Variants in ASH1L observed in about 807,000 individuals in gnomAD.
The protein encoded by ASH1L is histone-lysine N-methyltransferase ASH1L.
In ASH1L, 23 loss-of-function variants were observed where a neutral mutation model predicts 269.0. That is an observed-to-expected ratio of 0.09 (90% CI 0.06 to 0.12). The LOEUF is 0.12. ASH1L is among the 10% of genes least tolerant of loss of function. The pLI, the probability that ASH1L is intolerant of heterozygous loss-of-function variation, is 1.00. For missense variants in ASH1L, 2,912 were observed against 3,567.8 expected (o/e 0.82, Z 4.68); for synonymous variants, 1,187 against 1,253.5 (o/e 0.95, Z 1.12).
chr1:155,352,726 T>A lies in ASH1L; in HGVS notation c.7346A>T (p.Asp2449Val), dbSNP rs1418923105. ...GTCACCTTTATAAGAGATGATACCA[T>A]CACAAATTTCTTTGAAGATCTGGGC... ...RLAQIFKEICDGIISYKDSSR... is the reference protein window; with the variant it reads ...RLAQIFKEICVGIISYKDSSR... Residue 2449 changes from aspartate (D) to valine (V), a missense_variant, in exon 17 of 28, where the codon GAT becomes GTT. Around this residue, in one of 13 missense-constraint regions of ASH1L, gnomAD observed 309 missense variants for 435.1 expected, o/e 0.71. Transcript: ENST00000392403. The A allele has an allele frequency of 6.2e-7, 1 of 1,609,796 alleles. No homozygotes were observed. The highest frequency in any genetic ancestry group is 8.5e-7 in the Non-Finnish European group (1 of 1,178,872).
chr1:155,425,029 G>C (rs1026056269), intron 5 of ASH1L, among the ~76,000 whole-genome samples: 100 of 151,992 alleles, frequency 6.6e-4, no homozygotes, highest in Middle Eastern at 6.8e-3. Flanking sequence ...GAGTGCATTG[G>C]AGCAACATCA....
chr1:155,451,399 G>C (rs1663457035), intron 4 of ASH1L, among the ~76,000 whole-genome samples: 1 of 152,056 alleles, frequency 6.6e-6, no homozygotes, highest in African/African-American at 2.4e-5. Flanking sequence ...GATGAAAAAA[G>C]TTACGGAGAT....
chr1:155,343,281 G>A lies in ASH1L; in HGVS notation c.8293+33C>T, dbSNP rs911559729. 1.4e-5 allele frequency: 23 copies of A among 1,590,044 alleles called. No individual in the cohort carries two copies. The Admixed American group carries it at 2.5e-4, about 17-fold the overall frequency. ...TCAGCGTGAGCCACTGCACTTGGCCGAGGTCATTTTTTAACTAGCCCAGAT... is the reference window on the plus strand; with the variant it reads ...TCAGCGTGAGCCACTGCACTTGGCCAAGGTCATTTTTTAACTAGCCCAGAT... On this transcript the variant is annotated intron_variant, in intron 24 of 27. Transcript: ENST00000392403. This position sits in a 1 kb window ranked among gnomAD's most constrained non-coding sequence, Gnocchi z 6.1.
chr1:155,557,400 C>CT (rs1671671643), intron 1 of ASH1L, among the ~76,000 whole-genome samples: 2 of 151,884 alleles, frequency 1.3e-5, no homozygotes, highest in Non-Finnish European at 2.9e-5. Flanking sequence ...GAAGCTGGGA[C>CT]TACAGGTGCC....
intron 1 of ASH1L, among the ~76,000 whole-genome samples, chr1:155,528,987 T>A (rs571596907): frequency 1.3e-5 from 2 of 152,292 alleles, no homozygotes; most frequent in South Asian, 4.2e-4. Flanking sequence ...TTGCCAAAGA[T>A]AATGGCCTCC....
At position 155,415,821 on chromosome 1, in the gene ASH1L, C is replaced by T; in HGVS notation, c.5931G>A (p.Arg1977=). The change falls in exon 6 of 28, where the codon AGG becomes AGA. Residue 1977 remains arginine (R), a synonymous_variant. Transcript: ENST00000392403. ...TTGGGGGACGTGGGGGCTTCTTTTCCCTTGGGATGAGAGAAAGCACAGGCT... is the reference window on the plus strand; with the variant it reads ...TTGGGGGACGTGGGGGCTTCTTTTCTCTTGGGATGAGAGAAAGCACAGGCT... ...TLQPVLSLIP[R]EKKPPRPPKK... 6.2e-7 allele frequency: 1 copy of T among 1,613,708 alleles called. No homozygotes were observed. The highest frequency in any genetic ancestry group is 8.5e-7 in the Non-Finnish European group (1 of 1,179,958).
chr1:155,550,504 T>C (rs909095993), intron 1 of ASH1L, among the ~76,000 whole-genome samples: 1 of 152,176 alleles, frequency 6.6e-6, no homozygotes, highest in Admixed American at 6.5e-5. Flanking sequence ...TATTCCCCCC[T>C]TTACTGTTTT....
chr1:155,481,322 G>T lies in ASH1L; in HGVS notation c.1548C>A (p.Thr516=). 1 of 1,614,074 alleles carries T rather than the reference G, an allele frequency of 6.2e-7. No homozygotes were observed. The highest frequency in any genetic ancestry group is 1.3e-5 in the African/African-American group (1 of 75,020). The change falls in exon 3 of 28, where the codon ACC becomes ACA. Residue 516 remains threonine, a synonymous_variant. Coordinates refer to ENST00000392403, the MANE Select transcript of ASH1L (RefSeq NM_018489.3). The part of the protein sequence containing the change: ...FSSSEKGSYE[T]SKHEKQPPVY... ...CAGGAGGCTGCTTTTCATGCTTTGA[G>T]GTTTCATAAGATCCCTTTTCACTGG...
Position 155,478,092 on chromosome 1 carries a change from G to A in ASH1L, c.4778C>T (p.Pro1593Leu). 6.2e-7 allele frequency: 1 copy of A among 1,614,130 alleles called. No homozygotes were observed. Among genetic ancestry groups the A allele is most frequent in the East Asian group, 2.2e-5 (1 of 44,876 alleles). Residue 1593 changes from proline to leucine, a missense_variant, in exon 3 of 28, where the codon CCC (proline) becomes CTC (leucine). Coordinates refer to ENST00000392403, the MANE Select transcript of ASH1L (RefSeq NM_018489.3). This position sits in a 1 kb window ranked among gnomAD's most constrained non-coding sequence, Gnocchi z 4.6. ...SPSLSLGGFTPNSEPASSDEH... is the reference protein window; with the variant it reads ...SPSLSLGGFTLNSEPASSDEH... ...ATCACTGCTGGCTGGCTCAGAGTTGGGAGTGAATCCTCCAAGGGATAAGCT... is the reference window on the plus strand; with the variant it reads ...ATCACTGCTGGCTGGCTCAGAGTTGAGAGTGAATCCTCCAAGGGATAAGCT...
At chr1:155,395,680 C>T in intron 6 of ASH1L, 127 bp from the exon 7 acceptor site, 1 of 560,034 alleles carries the variant, frequency 1.8e-6, no homozygotes, top group Non-Finnish European at 2.9e-6. Flanking sequence ...AAAAAAAAAT[C>T]TTTACTTCTG....
intron 2 of ASH1L, among the ~76,000 whole-genome samples, chr1:155,519,283 A>G (rs1668707292): frequency 6.6e-6 from 1 of 152,082 alleles, no homozygotes; most frequent in South Asian, 2.1e-4. Flanking sequence ...AAAAAATACA[A>G]AAATTAGCCG....
intron 4 of ASH1L, among the ~76,000 whole-genome samples, chr1:155,457,822 A>C (rs1663976355): frequency 6.6e-6 from 1 of 152,218 alleles, no homozygotes. Context: ...TTTTGTTTAC[A>C]AAAGTAAAAT....
At chr1:155,367,598 T>G (rs1047795620) in intron 12 of ASH1L, among the ~76,000 whole-genome samples, 1 of 152,192 alleles carries the variant, frequency 6.6e-6, no homozygotes, top group Non-Finnish European at 1.5e-5. Context: ...TAAAAATGGA[T>G]TTCCTTTGGC....
chr1:155,344,958 TCA>T (rs1313789147), intron 21 of ASH1L, among the ~76,000 whole-genome samples: 2 of 152,116 alleles, frequency 1.3e-5, no homozygotes, highest in East Asian at 1.9e-4. Context: ...TATAAAAACC[TCA>T]GTTTTGTTTT....
chr1:155,433,935 G>A (rs750543792), intron 5 of ASH1L: 23 of 1,583,096 alleles, frequency 1.5e-5, no homozygotes, highest in Non-Finnish European at 2.0e-5. Context: ...TTCCTGCAGT[G>A]CCCGAAACCC....
rs1400841467 is a variant in ASH1L, at chr1:155,484,968, C to A, written c.421-2519G>T. Among the ~76,000 whole-genome samples, 5 of 134,322 alleles carry A rather than the reference C, an allele frequency of 3.7e-5. No individual in the cohort carries two copies. In the East Asian group the frequency reaches 6.6e-4, roughly 18 times the overall value. 88.1% of individuals were successfully genotyped at this position (134,322 alleles called of 152,430 possible). A position where few individuals can be genotyped will look rare whatever the true frequency, so the allele number is the denominator to read the frequency against. ...ACAAAAACAAAAACAAAAACAAAAA[C>A]CAACCAACCACCCGGTGCAGTGGCT... On this transcript the variant is annotated intron_variant, in intron 2 of 27. Transcript: ENST00000392403.
intron 2 of ASH1L, among the ~76,000 whole-genome samples, chr1:155,496,218 C>T (rs567634781): frequency 6.6e-6 from 1 of 151,992 alleles, no homozygotes; most frequent in South Asian, 2.1e-4. Context: ...TTGTTAAAAA[C>T]TAAAACACAA....
chr1:155,432,719 G>T (rs1661697984), intron 5 of ASH1L, among the ~76,000 whole-genome samples: 1 of 152,088 alleles, frequency 6.6e-6, no homozygotes, highest in South Asian at 2.1e-4. Context: ...GGAATAGAAA[G>T]GCTAACCTAT....
At chr1:155,424,809 T>C (rs1660999685) in intron 5 of ASH1L, among the ~76,000 whole-genome samples, 1 of 152,088 alleles carries the variant, frequency 6.6e-6, no homozygotes, top group African/African-American at 2.4e-5. Flanking sequence ...TTTGATAAAT[T>C]TTAACTTTTT....
Sources: gnomAD v4.1 joint callset for allele counts (sites outside exome capture counted in the v4.1 genomes callset) on GRCh38, gnomAD v4.1.1 for gene constraint, gnomAD v4.1.1 regional missense constraint, Gnocchi (gnomAD v3.1) non-coding constraint, MANE v1.5 for transcripts, NCBI Gene and HGNC (gene_info 2026-07-23, HGNC 2026-07-21) for gene names.